Variants in TTC7A observed in about 807,000 individuals in gnomAD.
TTC7A encodes the protein tetratricopeptide repeat protein 7A.
In TTC7A, 110 loss-of-function variants were observed where a neutral mutation model predicts 103.7. The observed-to-expected ratio is 1.06, with a 90% CI of 0.91 to 1.24. The LOEUF (loss-of-function observed/expected upper bound fraction) is 1.24, where lower values mean the gene tolerates loss of function less well. TTC7A is among the 50% of genes most tolerant of loss of function. TTC7A has a pLI of 0.00. For missense variants in TTC7A, 1,340 were observed against 1,116.3 expected (o/e 1.20, Z -2.86); for synonymous variants, 521 against 467.9 (o/e 1.11, Z -1.47).
chr2:47,055,682 A>G (rs916380956), intron 18 of TTC7A, among the ~76,000 whole-genome samples: 1 of 152,126 alleles, frequency 6.6e-6, no homozygotes, highest in Non-Finnish European at 1.5e-5. Flanking sequence ...GCTCATGGGT[A>G]GCTCTGGGCT....
chr2:46,996,705 G>A (rs146958793), intron 8 of TTC7A, among the ~76,000 whole-genome samples: 2 of 152,356 alleles, frequency 1.3e-5, no homozygotes, highest in Non-Finnish European at 2.9e-5. Context: ...GGTTGCCCAG[G>A]GGAGGGGCCA....
At chr2:46,928,818 T>C (rs1458632763) in intron 2 of TTC7A, among the ~76,000 whole-genome samples, 1 of 151,388 alleles carries the variant, frequency 6.6e-6, no homozygotes, top group Admixed American at 6.6e-5. Context: ...TACTCACTGG[T>C]ATAATGCAGT....
chr2:46,959,340 T>C (rs1465291653), intron 3 of TTC7A, among the ~76,000 whole-genome samples: 1 of 152,210 alleles, frequency 6.6e-6, no homozygotes, highest in African/African-American at 2.4e-5. Context: ...CACTCAGCAC[T>C]CCTTGGCAGA....
chr2:46,999,066 T>A (rs1034720359), intron 8 of TTC7A, among the ~76,000 whole-genome samples: 1 of 152,152 alleles, frequency 6.6e-6, no homozygotes, highest in African/African-American at 2.4e-5. Flanking sequence ...CATTTATCCT[T>A]CTGGCCATCT....
At chr2:46,974,714 G>C (rs1449396433) in intron 3 of TTC7A, 2 of 576,166 alleles carry the variant, frequency 3.5e-6, no homozygotes. Context: ...ACAGAGGAGG[G>C]GTCAGGAGTG....
At chr2:47,051,312 C>CGAA (rs1682836813) in intron 17 of TTC7A, among the ~76,000 whole-genome samples, 1 of 152,124 alleles carries the variant, frequency 6.6e-6, no homozygotes, top group Non-Finnish European at 1.5e-5. Context: ...CTTGTTTTCA[C>CGAA]CTAACTATAT....
At chr2:46,936,013 C>T (rs1248631455) in intron 2 of TTC7A, among the ~76,000 whole-genome samples, 3 of 152,092 alleles carry the variant, frequency 2.0e-5, no homozygotes, top group Admixed American at 6.5e-5. Flanking sequence ...ATGGCTTGAG[C>T]CCAGGAGTTC....
intron 2 of TTC7A, among the ~76,000 whole-genome samples, chr2:46,950,978 G>C (rs548214343): frequency 6.6e-5 from 10 of 152,226 alleles, no homozygotes; most frequent in Non-Finnish European, 1.3e-4. Flanking sequence ...ACAGTGCTTG[G>C]TTGACTTAAT....
chr2:47,073,343 A>AT (rs58881219), intron 19 of TTC7A, among the ~76,000 whole-genome samples: 1 of 152,000 alleles, frequency 6.6e-6, no homozygotes, highest in Non-Finnish European at 1.5e-5. Flanking sequence ...AGATGCTGTG[A>AT]TTTTTCCCAT....
intron 2 of TTC7A, among the ~76,000 whole-genome samples, chr2:46,918,772 A>G (rs1668948877): frequency 6.6e-6 from 1 of 152,106 alleles, no homozygotes; most frequent in African/African-American, 2.4e-5. Flanking sequence ...AACATTAGTG[A>G]GTGTTGCCTT....
chr2:46,926,596 G>C (rs2103822635), intron 2 of TTC7A, among the ~76,000 whole-genome samples: 1 of 152,284 alleles, frequency 6.6e-6, no homozygotes, highest in African/African-American at 2.4e-5. Flanking sequence ...TTTTGAATAA[G>C]GTGATTTCAG....
At chr2:47,026,739 C>G (rs186146559) in intron 14 of TTC7A, among the ~76,000 whole-genome samples, 24 of 152,266 alleles carry the variant, frequency 1.6e-4, no homozygotes, top group Non-Finnish European at 3.4e-4. Flanking sequence ...TTTGTTCCAC[C>G]AGTACTTTGC....
chr2:47,011,379 T>C lies in TTC7A; in HGVS notation c.1336T>C (p.Ser446Pro). The C allele has an allele frequency of 6.2e-7, 1 of 1,612,458 alleles. No homozygotes were observed. ...GCGGGAGTGTGTGAAGTTGCGGCCC[T>C]CGGACCCCACCGTGCCCCTGATGGC... ...LLRECVKLRP[S>P]DPTVPLMAAK... Residue 446 changes from serine to proline, a missense_variant, in exon 11 of 20, where the codon TCG becomes CCG. By Grantham distance (74) the Ser-to-Pro change is moderately conservative. Transcript: ENST00000319190.
At chr2:47,005,710 C>T (rs1677300325) in intron 8 of TTC7A, among the ~76,000 whole-genome samples, 1 of 152,166 alleles carries the variant, frequency 6.6e-6, no homozygotes, top group Non-Finnish European at 1.5e-5. Flanking sequence ...GCTCCCTCAC[C>T]TAAACTGGGC....
Position 46,956,901 on chromosome 2 carries a change from C to T in TTC7A, c.411C>T (p.Tyr137=). ...LGKLHYVEGS[Y]RDAISMYARA... ...AACTGCATTACGTGGAGGGCTCATA[C>T]CGAGATGCCATCAGCATGTACGCAC... is the stretch of plus-strand genomic sequence containing the variant. Residue 137 remains tyrosine, a synonymous_variant, in exon 3 of 20, where the codon TAC becomes TAT. Transcript: ENST00000319190. The T allele has an allele frequency of 1.2e-6, 2 of 1,614,212 alleles. No homozygotes were observed. The highest frequency in any genetic ancestry group is 1.1e-5 in the South Asian group (1 of 91,084).
At chr2:46,927,888 T>G (rs1395227066) in intron 2 of TTC7A, among the ~76,000 whole-genome samples, 9 of 117,688 alleles carry the variant, frequency 7.6e-5, no homozygotes, top group African/African-American at 1.9e-4. Context: ...TTTGGTGTTT[T>G]TTTTTTTTTT....
chr2:47,071,246 C>T (rs1455527087), intron 19 of TTC7A: 1 of 152,246 alleles, frequency 6.6e-6, no homozygotes, highest in Non-Finnish European at 1.5e-5. Flanking sequence ...GGCAGAAGAT[C>T]CTGTTACAGG....
intron 3 of TTC7A, among the ~76,000 whole-genome samples, chr2:46,970,231 G>A (rs914221715): frequency 2.6e-5 from 4 of 152,278 alleles, no homozygotes; most frequent in African/African-American, 4.8e-5. Flanking sequence ...TCAAGCAGTC[G>A]CTTGCCTGGG....
chr2:46,928,157 G>A (rs1462265330), intron 2 of TTC7A, among the ~76,000 whole-genome samples: 1 of 151,894 alleles, frequency 6.6e-6, no homozygotes, highest in Non-Finnish European at 1.5e-5. Context: ...CTCCCAAAGT[G>A]CCGGGATTAC....
Sources: gnomAD v4.1 joint callset for allele counts (sites outside exome capture counted in the v4.1 genomes callset) on GRCh38, gnomAD v4.1.1 for gene constraint, MANE v1.5 for transcripts, NCBI Gene and HGNC (gene_info 2026-07-23, HGNC 2026-07-21) for gene names.